The following SLC35F4 variants were observed in gnomAD, a reference collection of about 807,000 sequenced individuals.
SLC35F4 encodes the protein chromosome 14 open reading frame 36.
In SLC35F4, 24 loss-of-function variants were observed where a neutral mutation model predicts 44.2. The observed-to-expected ratio is 0.54, with a 90% CI of 0.39 to 0.76. The LOEUF (loss-of-function observed/expected upper bound fraction) is 0.76, where lower values mean the gene tolerates loss of function less well. Among genes scored for constraint, SLC35F4 ranks in the 30% least tolerant of loss-of-function variants. The pLI is 0.00. For missense variants in SLC35F4, 562 were observed against 586.1 expected (o/e 0.96, Z 0.42); for synonymous variants, 238 against 223.6 (o/e 1.06, Z -0.57).
At chr14:57,950,242 T>A (rs1890109624) in intron 1 of SLC35F4, among the ~76,000 whole-genome samples, 2 of 151,968 alleles carry the variant, frequency 1.3e-5, no homozygotes, top group Non-Finnish European at 2.9e-5. Flanking sequence ...TTTTTTTTTC[T>A]CTTTGTCTGA....
chr14:57,735,348 A>G (rs1229919366), intron 1 of SLC35F4, among the ~76,000 whole-genome samples: 1 of 152,172 alleles, frequency 6.6e-6, no homozygotes, highest in East Asian at 1.9e-4. Context: ...GCTTCAAACG[A>G]TGCTTTGTGA....
At chr14:57,821,180 C>A (rs1260421251) in intron 1 of SLC35F4, among the ~76,000 whole-genome samples, 2 of 151,830 alleles carry the variant, frequency 1.3e-5, no homozygotes, top group Non-Finnish European at 2.9e-5. Flanking sequence ...ACACAGACAA[C>A]TTCTTCCCAG....
At chr14:57,721,894 C>T (rs907454623) in intron 1 of SLC35F4, among the ~76,000 whole-genome samples, 1 of 152,074 alleles carries the variant, frequency 6.6e-6, no homozygotes, top group Non-Finnish European at 1.5e-5. Flanking sequence ...TGATGGCCCC[C>T]CCTGAGGCAG....
intron 1 of SLC35F4, chr14:57,602,273 G>C (rs535965129): frequency 6.6e-6 from 1 of 152,204 alleles, no homozygotes; most frequent in Non-Finnish European, 1.5e-5. Context: ...ACACAGGAAA[G>C]TGTGGATTTT....
At chr14:57,823,542 G>A (rs1360074209) in intron 1 of SLC35F4, among the ~76,000 whole-genome samples, 1 of 152,164 alleles carries the variant, frequency 6.6e-6, no homozygotes, top group African/African-American at 2.4e-5. Flanking sequence ...CTTGTTTATA[G>A]CTATATCCCT....
intron 1 of SLC35F4, among the ~76,000 whole-genome samples, chr14:57,784,438 C>T (rs897393074): frequency 2.0e-5 from 3 of 152,112 alleles, no homozygotes; most frequent in Non-Finnish European, 4.4e-5. Flanking sequence ...AATTACAACA[C>T]TTTGGGAGGC....
At chr14:57,728,885 G>T (rs1173506889) in intron 1 of SLC35F4, among the ~76,000 whole-genome samples, 1 of 152,124 alleles carries the variant, frequency 6.6e-6, no homozygotes, top group East Asian at 1.9e-4. Context: ...TTTGTCTGAG[G>T]TTTTTATTTC....
chr14:57,603,258 T>A (rs180975279), intron 1 of SLC35F4, among the ~76,000 whole-genome samples: 9 of 152,188 alleles, frequency 5.9e-5, no homozygotes, highest in African/African-American at 2.2e-4. Context: ...TCCCAGATAA[T>A]AGAAAGTGCT....
chr14:57,669,595 G>A (rs1332471270), intron 1 of SLC35F4, among the ~76,000 whole-genome samples: 1 of 152,088 alleles, frequency 6.6e-6, no homozygotes, highest in Non-Finnish European at 1.5e-5. Context: ...TAATCATGCG[G>A]TTTTTGTCAT....
At chr14:57,872,043 TTA>T (rs1286524042) in intron 1 of SLC35F4, among the ~76,000 whole-genome samples, 1 of 152,168 alleles carries the variant, frequency 6.6e-6, no homozygotes. Context: ...GAAAGAAACA[TTA>T]TGAGTGGCAC....
intron 1 of SLC35F4, among the ~76,000 whole-genome samples, chr14:57,965,009 T>TAC (rs1890413390): frequency 7.0e-6 from 1 of 142,772 alleles, no homozygotes; most frequent in African/African-American, 2.7e-5. Context: ...TATATATATA[T>TAC]ATAGTTTCAG....
chr14:57,752,004 A>T (rs887362799), intron 1 of SLC35F4, among the ~76,000 whole-genome samples: 1 of 151,866 alleles, frequency 6.6e-6, no homozygotes. Flanking sequence ...TTCCAAATAC[A>T]TGGGTAGAGA....
chr14:57,862,212 G>A (rs1887741190), intron 1 of SLC35F4, among the ~76,000 whole-genome samples: 1 of 152,030 alleles, frequency 6.6e-6, no homozygotes, highest in Admixed American at 6.6e-5. Flanking sequence ...CAATCTATCA[G>A]GGTACCCTAT....
rs536508179 is a variant in SLC35F4 at position 57,566,545 on chromosome 14, A to G, written c.1146T>C (p.Asn382=). The G allele has an allele frequency of 6.2e-7, 1 of 1,600,896 alleles. No individual in the cohort carries two copies. The highest frequency in any genetic ancestry group is 2.2e-5 in the East Asian group (1 of 44,518). ...TTGGGTATGTCAGCACCACCCCAAC[A>G]TTCACCAGGATGTTGAAGGCTGTAA... ...GLWLAFNILV[N]VGVVLTYPIL... is the part of the protein sequence containing the mutation. Residue 382 remains asparagine (N), a synonymous_variant, in exon 7 of 8, where the codon AAT becomes AAC. Coordinates refer to ENST00000556826, the MANE Select transcript of SLC35F4 (RefSeq NM_001306087.2).
At chr14:57,681,787 TA>T (rs1259449970) in intron 1 of SLC35F4, among the ~76,000 whole-genome samples, 4 of 151,954 alleles carry the variant, frequency 2.6e-5, no homozygotes, top group Non-Finnish European at 5.9e-5. Flanking sequence ...ACAAAGGACT[TA>T]AACAGATTTA....
intron 1 of SLC35F4, among the ~76,000 whole-genome samples, chr14:57,694,793 T>A (rs2075334841): frequency 6.6e-6 from 1 of 152,214 alleles, no homozygotes; most frequent in South Asian, 2.1e-4. Context: ...TGATTTTTGA[T>A]GCTATTGTAG....
chr14:57,652,493 G>A (rs2073819426), intron 1 of SLC35F4, among the ~76,000 whole-genome samples: 1 of 152,138 alleles, frequency 6.6e-6, no homozygotes, highest in Admixed American at 6.6e-5. Context: ...GATGATCAGT[G>A]TCTTCTGAAC....
chr14:57,658,954 AG>A (rs927829468), intron 1 of SLC35F4, among the ~76,000 whole-genome samples: 2 of 152,184 alleles, frequency 1.3e-5, no homozygotes, highest in Non-Finnish European at 2.9e-5. Flanking sequence ...AGACCCAGAG[AG>A]AAAGAAGAGG....
intron 1 of SLC35F4, among the ~76,000 whole-genome samples, chr14:57,920,757 A>G (rs1330226486): frequency 6.6e-6 from 1 of 152,230 alleles, no homozygotes; most frequent in Admixed American, 6.5e-5. Flanking sequence ...ATAGTAATGT[A>G]TTCTAATTAG....
Sources: allele counts gnomAD v4.1 joint callset (sites outside exome capture counted in the v4.1 genomes callset), GRCh38; gene constraint gnomAD v4.1.1; transcripts MANE v1.5; gene names NCBI Gene and HGNC (gene_info 2026-07-23, HGNC 2026-07-21).